The following ADGRL3 variants were observed in gnomAD, a reference collection of about 807,000 sequenced individuals.
ADGRL3 encodes the protein calcium-independent alpha-latrotoxin receptor 3.
A neutral mutation model predicts 153.5 loss-of-function variants in ADGRL3; 62 were observed. That is an observed-to-expected ratio of 0.40 (90% CI 0.33 to 0.50). The LOEUF is 0.50. Among genes scored for constraint, ADGRL3 ranks in the 20% least tolerant of loss-of-function variants. The probability of loss-of-function intolerance (pLI) is 0.47; values close to 1 mark genes in which losing one functional copy is unlikely to be tolerated. For missense variants in ADGRL3, 1,641 were observed against 1,859.4 expected (o/e 0.88, Z 2.16); for synonymous variants, 710 against 672.5 (o/e 1.06, Z -0.86).
At chr4:61,299,498 T>G (rs1196511274) in intron 1 of ADGRL3, among the ~76,000 whole-genome samples, 1 of 152,198 alleles carries the variant, frequency 6.6e-6, no homozygotes, top group African/African-American at 2.4e-5. Flanking sequence ...CAATTTGCTT[T>G]TAAGTCACAT....
chr4:61,807,762 G>A (rs942857534), intron 8 of ADGRL3, among the ~76,000 whole-genome samples: 2 of 152,114 alleles, frequency 1.3e-5, no homozygotes, highest in African/African-American at 4.8e-5. Flanking sequence ...ATAATTTACA[G>A]ATGAAATTAT....
At chr4:61,456,821 T>C (rs1197054859) in intron 2 of ADGRL3, among the ~76,000 whole-genome samples, 3 of 151,952 alleles carry the variant, frequency 2.0e-5, no homozygotes, top group African/African-American at 7.2e-5. Context: ...TATTATGATA[T>C]GGTGAAAATT....
chr4:61,669,934 G>T (rs546154313), intron 5 of ADGRL3, among the ~76,000 whole-genome samples: 2 of 152,236 alleles, frequency 1.3e-5, no homozygotes, highest in African/African-American at 4.8e-5. Flanking sequence ...ATTCATGATC[G>T]AAGGGTTTAT....
chr4:61,373,162 G>A (rs1310908300), intron 1 of ADGRL3, among the ~76,000 whole-genome samples: 2 of 152,162 alleles, frequency 1.3e-5, no homozygotes, highest in African/African-American at 2.4e-5. Flanking sequence ...CGGTACCTCA[G>A]ATGGAAATGC....
intron 9 of ADGRL3, among the ~76,000 whole-genome samples, chr4:61,886,694 T>A (rs866720530): frequency 6.6e-6 from 1 of 152,124 alleles, no homozygotes; most frequent in East Asian, 1.9e-4. Flanking sequence ...CAGGCTGTAG[T>A]GCAGTGGGGC....
chr4:61,570,232 T>G (rs1366275660), intron 4 of ADGRL3, among the ~76,000 whole-genome samples: 1 of 152,172 alleles, frequency 6.6e-6, no homozygotes, highest in East Asian at 1.9e-4. Context: ...TGACTTTCAC[T>G]TTTTCTGCTA....
chr4:61,763,491 G>A lies in ADGRL3; in HGVS notation c.1399+29937G>A, dbSNP rs1305198176. Reference sequence around the variant, plus strand: ...AGAGAAAACTAGGAAATAGACAATTGTGAATTGCCTGTCATATGTCAGTAT... The same window carrying A: ...AGAGAAAACTAGGAAATAGACAATTATGAATTGCCTGTCATATGTCAGTAT... On this transcript the variant is annotated intron_variant, in intron 8 of 26. Coordinates refer to ENST00000683033, the MANE Select transcript of ADGRL3 (RefSeq NM_001387552.1). Among the ~76,000 whole-genome samples the A allele has an allele frequency of 2.0e-5, 3 of 152,094 alleles. No homozygotes were observed. In the East Asian group the frequency reaches 5.8e-4, roughly 29 times the overall value.
chr4:61,513,935 G>A (rs1430566419), intron 3 of ADGRL3, among the ~76,000 whole-genome samples: 1 of 152,090 alleles, frequency 6.6e-6, no homozygotes, highest in East Asian at 1.9e-4. Context: ...GGCCTCTAAT[G>A]GTATTGGGAA....
intron 1 of ADGRL3, among the ~76,000 whole-genome samples, chr4:61,356,094 C>T (rs1244087169): frequency 6.6e-6 from 1 of 151,910 alleles, no homozygotes; most frequent in South Asian, 2.1e-4. Context: ...TTTGACTACA[C>T]CTTCGTTTCT....
intron 25 of ADGRL3, among the ~76,000 whole-genome samples, chr4:62,048,008 T>G (rs748100216): frequency 6.6e-6 from 1 of 152,112 alleles, no homozygotes; most frequent in Admixed American, 6.6e-5. Flanking sequence ...TTCAGGATGG[T>G]TTATTCATTG....
At chr4:61,742,801 C>T (rs2096598489) in intron 8 of ADGRL3, among the ~76,000 whole-genome samples, 1 of 152,148 alleles carries the variant, frequency 6.6e-6, no homozygotes, top group African/African-American at 2.4e-5. Context: ...GGTATGTTAA[C>T]TGATTTCCCT....
chr4:61,275,837 T>C (rs554945992), intron 1 of ADGRL3, among the ~76,000 whole-genome samples: 1 of 152,300 alleles, frequency 6.6e-6, no homozygotes, highest in Non-Finnish European at 1.5e-5. Context: ...CCCTGTTGAA[T>C]CTATTTATTC....
intron 25 of ADGRL3, among the ~76,000 whole-genome samples, chr4:62,045,662 G>T (rs1310800709): frequency 6.6e-6 from 1 of 151,846 alleles, no homozygotes; most frequent in Non-Finnish European, 1.5e-5. Flanking sequence ...ATTTGATGCA[G>T]GGATCCATGT....
chr4:61,900,093 T>C (rs2098655775), intron 11 of ADGRL3, among the ~76,000 whole-genome samples: 1 of 152,162 alleles, frequency 6.6e-6, no homozygotes, highest in Non-Finnish European at 1.5e-5. Context: ...AGTTGAGTTA[T>C]GGTGGACATA....
At chr4:61,725,325 A>G (rs2096309897) in intron 6 of ADGRL3, among the ~76,000 whole-genome samples, 1 of 152,100 alleles carries the variant, frequency 6.6e-6, no homozygotes, top group Non-Finnish European at 1.5e-5. Flanking sequence ...TTAAATGTCT[A>G]CTTAAGGCTG....
intron 1 of ADGRL3, among the ~76,000 whole-genome samples, chr4:61,289,136 T>G (rs1348074961): frequency 6.6e-6 from 1 of 151,998 alleles, no homozygotes; most frequent in African/African-American, 2.4e-5. Context: ...ACTTATCATA[T>G]TTTCTTTCAT....
chr4:61,553,514 C>T (rs953393245), intron 4 of ADGRL3, among the ~76,000 whole-genome samples: 2 of 152,012 alleles, frequency 1.3e-5, no homozygotes, highest in East Asian at 1.9e-4. Context: ...AATGATTTAG[C>T]GTTAAAATAG....
At chr4:61,797,724 A>G (rs984954682) in intron 8 of ADGRL3, among the ~76,000 whole-genome samples, 1 of 88,990 alleles carries the variant, frequency 1.1e-5, no homozygotes, top group African/African-American at 4.4e-5. Context: ...AAAAAACCCA[A>G]CAACATATTT....
chr4:61,702,730 G>A (rs745591654), intron 6 of ADGRL3, among the ~76,000 whole-genome samples: 19 of 152,114 alleles, frequency 1.2e-4, no homozygotes, highest in Non-Finnish European at 1.8e-4. Context: ...TACAGTTATT[G>A]TGTCCAACTC....
Sources: gnomAD v4.1 joint callset for allele counts (sites outside exome capture counted in the v4.1 genomes callset) on GRCh38, gnomAD v4.1.1 for gene constraint, MANE v1.5 for transcripts, NCBI Gene and HGNC (gene_info 2026-07-23, HGNC 2026-07-21) for gene names.